The following PCDH15 variants were observed in gnomAD, a reference collection of about 807,000 sequenced individuals.
The protein encoded by PCDH15 is protocadherin-15.
In PCDH15, 129 loss-of-function variants were observed where a neutral mutation model predicts 178.5. The ratio of observed to expected loss-of-function variants is 0.72; its 90% CI spans 0.63 to 0.84. PCDH15 has a LOEUF of 0.84. PCDH15 is among the 40% of genes least tolerant of loss of function. The pLI is 0.00. For synonymous variants in PCDH15, 800 were observed against 732.0 expected, an observed-to-expected ratio of 1.09 and a Z score of -1.50; for missense variants, 2,230 against 2,099.9, an observed-to-expected ratio of 1.06 and a Z score of -1.21.
intron 3 of PCDH15, among the ~76,000 whole-genome samples, chr10:54,878,270 C>A (rs1330727313): frequency 6.6e-6 from 1 of 152,048 alleles, no homozygotes; most frequent in Non-Finnish European, 1.5e-5. Context: ...GCCAGAAGTT[C>A]TCTCTTAAAG....
intron 2 of PCDH15, among the ~76,000 whole-genome samples, chr10:55,141,808 G>T (rs1838359995): frequency 6.6e-6 from 1 of 151,938 alleles, no homozygotes; most frequent in Admixed American, 6.6e-5. Flanking sequence ...CTCATTAAAA[G>T]AGCTGTTTTC....
chr10:54,424,332 T>C (rs1014831740), intron 3 of PCDH15, among the ~76,000 whole-genome samples: 9 of 151,846 alleles, frequency 5.9e-5, no homozygotes, highest in African/African-American at 1.9e-4. Flanking sequence ...CCAGTTAGAA[T>C]GGCGATCATT....
intron 3 of PCDH15, among the ~76,000 whole-genome samples, chr10:54,866,685 C>A (rs892425226): frequency 2.6e-5 from 4 of 151,966 alleles, no homozygotes; most frequent in African/African-American, 9.7e-5. Flanking sequence ...TGAATGGCAT[C>A]CAGATGTATA....
At chr10:54,696,461 G>T (rs1217605101) in intron 1 of PCDH15, among the ~76,000 whole-genome samples, 3 of 152,060 alleles carry the variant, frequency 2.0e-5, no homozygotes, top group African/African-American at 7.2e-5. Context: ...TGACAACAAA[G>T]AATTTAGAAT....
chr10:55,382,785 G>A (rs1837568700), intron 2 of PCDH15, among the ~76,000 whole-genome samples: 1 of 152,182 alleles, frequency 6.6e-6, no homozygotes, highest in Non-Finnish European at 1.5e-5. Flanking sequence ...CCCTTCACGG[G>A]ACTTGAGACA....
intron 2 of PCDH15, among the ~76,000 whole-genome samples, chr10:55,018,664 AC>A (rs756527648): frequency 9.9e-4 from 151 of 152,206 alleles, no homozygotes; most frequent in Admixed American, 2.2e-3. Context: ...ATTTGAAGAA[AC>A]TTTTTAAAGA....
intron 2 of PCDH15, among the ~76,000 whole-genome samples, chr10:55,159,410 A>T (rs1838998223): frequency 7.4e-6 from 1 of 135,588 alleles, no homozygotes; most frequent in Non-Finnish European, 1.6e-5. Context: ...CATTATATAT[A>T]TTATAAAGAT....
intron 2 of PCDH15, among the ~76,000 whole-genome samples, chr10:54,919,704 T>A (rs1196023171): frequency 6.6e-6 from 1 of 152,224 alleles, no homozygotes; most frequent in Non-Finnish European, 1.5e-5. Context: ...ACTGCAGGAC[T>A]TGTCTACATT....
chr10:53,849,842 C>A (rs1487053419), intron 28 of PCDH15, among the ~76,000 whole-genome samples: 1 of 107,560 alleles, frequency 9.3e-6, no homozygotes, highest in Non-Finnish European at 1.7e-5. Context: ...GCCTGTGCGA[C>A]AGAGGAAGGC....
chr10:55,067,036 A>G (rs1841584142), intron 2 of PCDH15, among the ~76,000 whole-genome samples: 1 of 152,140 alleles, frequency 6.6e-6, no homozygotes, highest in East Asian at 1.9e-4. Flanking sequence ...TATGTAAACT[A>G]TTATGTATCA....
intron 1 of PCDH15, among the ~76,000 whole-genome samples, chr10:55,258,542 T>C (rs1842063858): frequency 6.6e-6 from 1 of 152,180 alleles, no homozygotes; most frequent in Non-Finnish European, 1.5e-5. Context: ...TACCCCTCAG[T>C]TGAATCTTTT....
At chr10:54,441,517 G>A (rs191536424) in intron 3 of PCDH15, among the ~76,000 whole-genome samples, 6 of 151,874 alleles carry the variant, frequency 4.0e-5, no homozygotes, top group Admixed American at 1.3e-4. Flanking sequence ...GTTAACCAGC[G>A]GGGCGACATT....
intron 23 of PCDH15, among the ~76,000 whole-genome samples, chr10:53,943,506 AAAAC>A (rs2086256532): frequency 2.0e-5 from 3 of 151,904 alleles, no homozygotes; most frequent in African/African-American, 7.3e-5. Context: ...ACAAACAAAA[AAAAC>A]AAAACAGAAA....
chr10:53,951,537 T>C (rs984101742), intron 23 of PCDH15, among the ~76,000 whole-genome samples: 2 of 152,178 alleles, frequency 1.3e-5, no homozygotes, highest in Admixed American at 1.3e-4. Context: ...TTGTCAAAAA[T>C]AGAAACTGAA....
intron 1 of PCDH15, among the ~76,000 whole-genome samples, chr10:55,307,816 T>C (rs1206255794): frequency 6.6e-6 from 1 of 151,994 alleles, no homozygotes; most frequent in South Asian, 2.1e-4. Flanking sequence ...TAGATGCCTA[T>C]CCTACTAATT....
At chr10:54,183,333 A>G (rs372380019) in intron 13 of PCDH15, 111 bp downstream of exon 13, 97 of 1,075,236 alleles carry the variant, frequency 9.0e-5, no homozygotes, top group African/African-American at 6.7e-4. Context: ...ATGCTATACA[A>G]TAAGTGTGAA....
intron 2 of PCDH15, among the ~76,000 whole-genome samples, chr10:55,127,661 A>G (rs1242405896): frequency 1.3e-5 from 2 of 151,814 alleles, no homozygotes; most frequent in East Asian, 3.9e-4. Context: ...CAGTGTAGAT[A>G]TGTATGCTCT....
At chr10:54,773,244 G>A (rs867584784) in intron 1 of PCDH15, among the ~76,000 whole-genome samples, 2 of 151,916 alleles carry the variant, frequency 1.3e-5, no homozygotes, top group Admixed American at 1.3e-4. Flanking sequence ...CATGTACCCC[G>A]AACTTAAAAG....
intron 2 of PCDH15, among the ~76,000 whole-genome samples, chr10:55,568,610 T>C (rs1010844970): frequency 3.9e-5 from 6 of 151,980 alleles, no homozygotes; most frequent in African/African-American, 1.2e-4. Flanking sequence ...AACAGAATTA[T>C]GAGTTTGGCT....
Sources: allele counts gnomAD v4.1 joint callset (sites outside exome capture counted in the v4.1 genomes callset), GRCh38; gene constraint gnomAD v4.1.1; transcripts MANE v1.5; gene names NCBI Gene and HGNC (gene_info 2026-07-23, HGNC 2026-07-21).